The following ALKBH8 variants were observed in gnomAD, a reference collection of about 807,000 sequenced individuals.
The protein encoded by ALKBH8 is tRNA (carboxymethyluridine(34)-5-O)-methyltransferase ALKBH8.
A neutral mutation model predicts 59.8 loss-of-function variants in ALKBH8; 36 were observed. The ratio of observed to expected loss-of-function variants is 0.60; its 90% CI spans 0.46 to 0.79. The LOEUF (loss-of-function observed/expected upper bound fraction) is 0.79. Among genes scored for constraint, ALKBH8 ranks in the 30% least tolerant of loss-of-function variants. The pLI, the probability that ALKBH8 is intolerant of heterozygous loss-of-function variation, is 0.00. For synonymous variants in ALKBH8, 276 were observed against 273.6 expected (o/e 1.01, Z -0.09); for missense variants, 768 against 801.0 (o/e 0.96, Z 0.50).
chr11:107,503,017 C>T lies in ALKBH8; in HGVS notation c.*1641G>A, dbSNP rs1013803452. On this transcript the variant is annotated 3_prime_UTR_variant, in exon 12 of 12. Coordinates refer to ENST00000428149, the MANE Select transcript of ALKBH8 (RefSeq NM_138775.3). The stretch of plus-strand genomic sequence containing the variant: ...CTCTCAGGAAATCTGATTCTAGAGC[C>T]CAGTTCTGAATTCCTATGCTATTTT... 6.6e-6 allele frequency: 1 copy of T among 151,998 alleles called. No individual in the cohort carries two copies. The highest frequency in any genetic ancestry group is 2.1e-4 in the South Asian group (1 of 4,802). The allele number at this position is 151,998 out of a possible 1,614,324, so 9.4% of individuals were successfully genotyped here.
At position 107,554,091 on chromosome 11, in the gene ALKBH8, G is replaced by A. The variant is rs1591321113; in HGVS notation, c.368-113C>T. On this transcript the variant is annotated intron_variant, in intron 3 of 11. Coordinates refer to ENST00000428149, the MANE Select transcript of ALKBH8 (RefSeq NM_138775.3). ...ACAAAACTTCAAATCCTCATTTTCG[G>A]AAACAAGATTGCTGAAAGGCACCCA... 13 of 1,350,126 alleles carry A rather than the reference G, an allele frequency of 9.6e-6. No individual in the cohort carries two copies. In the East Asian group the frequency reaches 3.0e-4, roughly 31 times the overall value. The allele number at this position is 1,350,126 out of a possible 1,614,324, so 83.6% of individuals were successfully genotyped here.
At chr11:107,521,381 C>A (rs1863104525) in intron 10 of ALKBH8, among the ~76,000 whole-genome samples, 1 of 151,564 alleles carries the variant, frequency 6.6e-6, no homozygotes, top group African/African-American at 2.4e-5. Context: ...GATTTAGCTT[C>A]AATTTTATAT....
At chr11:107,515,505 G>A (rs1031459914) in intron 10 of ALKBH8, among the ~76,000 whole-genome samples, 9 of 151,904 alleles carry the variant, frequency 5.9e-5, no homozygotes, top group East Asian at 3.9e-4. Context: ...ACAGGTGCAC[G>A]CCATCATGCC....
At chr11:107,556,283 AGC>A (rs201507628) in intron 3 of ALKBH8, among the ~76,000 whole-genome samples, 3,459 of 152,104 alleles carry the variant, frequency 0.023, 146 homozygotes, top group African/African-American at 0.079. Context: ...TGTCTCAAAA[AGC>A]AAAAAAATAA....
At position 107,504,149 on chromosome 11, in the gene ALKBH8, C is replaced by G. The variant is rs766030220; in HGVS notation, c.*509G>C. On this transcript the variant is annotated 3_prime_UTR_variant, in exon 12 of 12. Coordinates refer to ENST00000428149, the MANE Select transcript of ALKBH8 (RefSeq NM_138775.3). ...TCTGGGTATTATCTGATTGACTAAA[C>G]GTTATTGGACACCCGCTATACGTCC... is the stretch of plus-strand genomic sequence containing the variant. The G allele has an allele frequency of 4.8e-6, 1 of 207,414 alleles. No individual in the cohort carries two copies. The highest frequency in any genetic ancestry group is 9.5e-6 in the Non-Finnish European group (1 of 105,724). The allele number at this position is 207,414 out of a possible 1,614,324, so 12.8% of individuals were successfully genotyped here. A position where few individuals can be genotyped will look rare whatever the true frequency, so the allele number is the denominator to read the frequency against.
chr11:107,554,010 C>T, intron 3 of ALKBH8, 32 bp from the exon 4 acceptor site: 1 of 1,610,798 alleles, frequency 6.2e-7, no homozygotes, highest in South Asian at 1.1e-5. Context: ...TAGTCACATG[C>T]AAAACTTAAA....
intron 3 of ALKBH8, among the ~76,000 whole-genome samples, chr11:107,555,433 C>A (rs116494622): frequency 0.023 from 3,482 of 152,226 alleles, 149 homozygotes; most frequent in African/African-American, 0.08. Flanking sequence ...GAATATTCAC[C>A]ATGGAGGACG....
At chr11:107,539,427 C>G (rs901404220) in intron 7 of ALKBH8, among the ~76,000 whole-genome samples, 9 of 152,062 alleles carry the variant, frequency 5.9e-5, no homozygotes, top group Admixed American at 5.2e-4. Context: ...TGGTGAAACC[C>G]CGTTTCTACT....
chr11:107,517,621 A>T lies in ALKBH8; in HGVS notation c.1287+4678T>A, dbSNP rs1326754107. On this transcript the variant is annotated intron_variant, in intron 10 of 11. Transcript: ENST00000428149. Reference sequence around the variant, plus strand: ...TCCTGCCATTCATAACAATATAGGTAAACCTGGAGGACATTAGGTTAAGTG... The same window carrying T: ...TCCTGCCATTCATAACAATATAGGTTAACCTGGAGGACATTAGGTTAAGTG... 1.3e-5 allele frequency among the ~76,000 whole-genome samples: 2 copies of T among 152,212 alleles called. 1 individual carries two copies. Among genetic ancestry groups the T allele is most frequent in the Admixed American group, 1.3e-4 (2 of 15,280 alleles).
intron 7 of ALKBH8, among the ~76,000 whole-genome samples, chr11:107,544,893 T>C (rs578607): frequency 0.75 from 113,464 of 150,314 alleles, 43,945 homozygotes; most frequent in South Asian, 0.85. Flanking sequence ...ACCAGGATGG[T>C]AGATCACTAT....
intron 10 of ALKBH8, among the ~76,000 whole-genome samples, chr11:107,517,189 G>A (rs1190749573): frequency 6.6e-6 from 1 of 152,074 alleles, no homozygotes; most frequent in Non-Finnish European, 1.5e-5. Flanking sequence ...TAACCATCAG[G>A]AAAATGCAAA....
intron 7 of ALKBH8, among the ~76,000 whole-genome samples, chr11:107,542,948 T>C (rs180875877): frequency 6.6e-4 from 100 of 152,170 alleles, no homozygotes; most frequent in Non-Finnish European, 1.2e-3. Context: ...AATGTTCTAA[T>C]GACAGTGGGG....
At chr11:107,506,357 T>G (rs1488970115) in intron 11 of ALKBH8, among the ~76,000 whole-genome samples, 8 of 150,128 alleles carry the variant, frequency 5.3e-5, no homozygotes, top group Non-Finnish European at 1.2e-4. Flanking sequence ...CAGCATACAG[T>G]GAAAAATTAT....
intron 10 of ALKBH8, among the ~76,000 whole-genome samples, chr11:107,512,358 A>G (rs1046192880): frequency 2.0e-5 from 3 of 151,952 alleles, no homozygotes; most frequent in African/African-American, 7.3e-5. Context: ...CTATTACCTA[A>G]GCTCGAGTAC....
chr11:107,515,361 T>C (rs373661506), intron 10 of ALKBH8, among the ~76,000 whole-genome samples: 117 of 152,282 alleles, frequency 7.7e-4, no homozygotes, highest in African/African-American at 2.6e-3. Flanking sequence ...TTAAAATGTA[T>C]ACTCTTTTTT....
At chr11:107,517,889 G>A (rs1181432966) in intron 10 of ALKBH8, among the ~76,000 whole-genome samples, 1 of 152,174 alleles carries the variant, frequency 6.6e-6, no homozygotes, top group Non-Finnish European at 1.5e-5. Flanking sequence ...CTTGAAAAAT[G>A]CTAGGAGAAT....
At chr11:107,553,302 G>A in intron 4 of ALKBH8, 99 bp from the exon 5 acceptor site, 1 of 659,682 alleles carries the variant, frequency 1.5e-6, no homozygotes, top group Non-Finnish European at 2.5e-6. Context: ...TTTAGTAATG[G>A]CAACTTCTGT....
In ALKBH8 at chr11:107,504,934, A is replaced by C; in HGVS notation, c.1719T>G (p.Val573=). Residue 573 remains valine, a synonymous_variant, in exon 12 of 12, where the codon GTT becomes GTG. Coordinates refer to ENST00000428149, the MANE Select transcript of ALKBH8 (RefSeq NM_138775.3). ...SQEGGCNSRQ[V]SNSKLPVHVN... ...CATGAACAGGCAGCTTGGAATTAGA[A>C]ACTTGCCTTGAATTACATCCTCCTT... 3 of 1,551,942 alleles carry C rather than the reference A, an allele frequency of 1.9e-6. No individual in the cohort carries two copies. The highest frequency in any genetic ancestry group is 2.6e-6 in the Non-Finnish European group (3 of 1,147,006).
Position 107,553,099 on chromosome 11 carries a change from AT to A in ALKBH8, c.595+8del. The stretch of plus-strand genomic sequence containing the variant: ...AGCCAGAATTTATTATGTATTAGCA[AT>A]TACTTACCCCCAGATAATGGCTTAT... On this transcript the variant is annotated splice_region_variant and intron_variant, in intron 5 of 11. Coordinates refer to ENST00000428149, the MANE Select transcript of ALKBH8 (RefSeq NM_138775.3). The A allele has an allele frequency of 6.5e-7, 1 of 1,543,118 alleles. No individual in the cohort carries two copies. Among genetic ancestry groups the A allele is most frequent in the South Asian group, 1.2e-5 (1 of 84,640 alleles).
Sources: gnomAD v4.1 joint callset for allele counts (sites outside exome capture counted in the v4.1 genomes callset) on GRCh38, gnomAD v4.1.1 for gene constraint, MANE v1.5 for transcripts, NCBI Gene and HGNC (gene_info 2026-07-23, HGNC 2026-07-21) for gene names.